The following WDR70 variants were observed in gnomAD, a reference collection of about 807,000 sequenced individuals.
The protein encoded by WDR70 is WD repeat domain 70, also known as WD repeat-containing protein 70.
In WDR70, 53 loss-of-function variants were observed where a neutral mutation model predicts 88.6. That is an observed-to-expected ratio of 0.60 (90% CI 0.48 to 0.75). The LOEUF (loss-of-function observed/expected upper bound fraction) is 0.75. Among genes scored for constraint, WDR70 ranks in the 30% least tolerant of loss-of-function variants. WDR70 has a pLI of 0.00. For missense variants in WDR70, 610 were observed against 823.2 expected, an observed-to-expected ratio of 0.74 and a Z score of 3.17; for synonymous variants, 280 against 270.0, an observed-to-expected ratio of 1.04 and a Z score of -0.36.
chr5:37,400,504 A>T (rs1324321595), intron 5 of WDR70, among the ~76,000 whole-genome samples: 1 of 152,170 alleles, frequency 6.6e-6, no homozygotes, highest in Non-Finnish European at 1.5e-5. Flanking sequence ...GTCTTTATAA[A>T]AAGAGTCACC....
intron 7 of WDR70, among the ~76,000 whole-genome samples, chr5:37,476,636 C>T (rs757405559): frequency 1.9e-4 from 29 of 151,856 alleles, no homozygotes; most frequent in Non-Finnish European, 2.6e-4. Context: ...CTGCAACTTC[C>T]GCCTCCTGAG....
intron 4 of WDR70, 52 bp from the exon 5 acceptor site, chr5:37,396,323 G>T: frequency 6.7e-7 from 1 of 1,496,856 alleles, no homozygotes; most frequent in Non-Finnish European, 8.9e-7. Flanking sequence ...TATTTCCAAA[G>T]TGTGCTCTTC....
At chr5:37,663,453 A>G (rs1361503207) in intron 10 of WDR70, among the ~76,000 whole-genome samples, 1 of 152,122 alleles carries the variant, frequency 6.6e-6, no homozygotes, top group Non-Finnish European at 1.5e-5. Flanking sequence ...CCTGAAAAAA[A>G]GCCCACAGTT....
intron 7 of WDR70, among the ~76,000 whole-genome samples, chr5:37,476,365 G>A (rs1160560492): frequency 1.3e-5 from 2 of 151,972 alleles, no homozygotes; most frequent in Non-Finnish European, 2.9e-5. Flanking sequence ...CTGTTTTCAC[G>A]TATAGTTGTC....
chr5:37,608,928 T>C (rs1744110824), intron 10 of WDR70, among the ~76,000 whole-genome samples: 1 of 152,200 alleles, frequency 6.6e-6, no homozygotes, highest in African/African-American at 2.4e-5. Flanking sequence ...TCTGTTCTAC[T>C]CCCTGCTGTA....
rs559612078 is a variant in WDR70, at chr5:37,645,194, TC to T, written c.1092+39957del. ...ATATTTCTGGTACCATTTTTTTTTT[TC>T]AAGAAATTTTTCAGTTTCCTTCTTA... is the stretch of plus-strand genomic sequence containing the variant. On this transcript the variant is annotated intron_variant, in intron 10 of 17. Transcript: ENST00000265107. 2.4e-4 allele frequency among the ~76,000 whole-genome samples: 37 copies of T among 152,036 alleles called. 1 individual carries two copies. The South Asian group carries it at 7.1e-3, about 29-fold the overall frequency.
At chr5:37,718,442 A>G (rs1335288718) in intron 13 of WDR70, among the ~76,000 whole-genome samples, 2 of 152,192 alleles carry the variant, frequency 1.3e-5, no homozygotes, top group African/African-American at 2.4e-5. Flanking sequence ...GTAATCTTAG[A>G]CTGCTGAGCC....
intron 10 of WDR70, among the ~76,000 whole-genome samples, chr5:37,641,075 A>T (rs1745089320): frequency 6.6e-6 from 1 of 152,058 alleles, no homozygotes; most frequent in African/African-American, 2.4e-5. Context: ...CAAACCAATG[A>T]CCTTTAGCCT....
chr5:37,637,713 C>T (rs879699817), intron 10 of WDR70, among the ~76,000 whole-genome samples: 17 of 152,130 alleles, frequency 1.1e-4, no homozygotes, highest in Admixed American at 5.2e-4. Flanking sequence ...CTCCCGATGC[C>T]ATTAAATGGA....
chr5:37,696,858 A>C (rs1746998471), intron 10 of WDR70, among the ~76,000 whole-genome samples: 1 of 152,234 alleles, frequency 6.6e-6, no homozygotes, highest in Admixed American at 6.5e-5. Flanking sequence ...TAGAATTACA[A>C]GTCTTTAACT....
intron 9 of WDR70, among the ~76,000 whole-genome samples, chr5:37,597,894 TAAGA>T (rs1452067770): frequency 6.6e-6 from 1 of 152,258 alleles, no homozygotes; most frequent in African/African-American, 2.4e-5. Context: ...GGATTGTATT[TAAGA>T]AATCTTTGCC....
intron 17 of WDR70, among the ~76,000 whole-genome samples, chr5:37,747,289 C>T (rs1464560438): frequency 6.6e-6 from 1 of 152,074 alleles, no homozygotes; most frequent in Non-Finnish European, 1.5e-5. Flanking sequence ...CATCACTGAT[C>T]ATCAGAGAAA....
chr5:37,677,594 G>A (rs1334357657), intron 10 of WDR70, among the ~76,000 whole-genome samples: 1 of 152,184 alleles, frequency 6.6e-6, no homozygotes, highest in African/African-American at 2.4e-5. Flanking sequence ...ACTGTGGTCT[G>A]AGAGACAGTT....
At chr5:37,616,853 T>C (rs979207398) in intron 10 of WDR70, among the ~76,000 whole-genome samples, 1 of 152,220 alleles carries the variant, frequency 6.6e-6, no homozygotes, top group African/African-American at 2.4e-5. Context: ...TAAATGGGTT[T>C]GGTTTTCAAT....
At chr5:37,538,604 C>A (rs561893921) in intron 9 of WDR70, among the ~76,000 whole-genome samples, 2 of 152,232 alleles carry the variant, frequency 1.3e-5, no homozygotes, top group South Asian at 4.1e-4. Context: ...GACATCTTTT[C>A]TGAGTGTGAG....
At chr5:37,620,644 G>A (rs78850565) in intron 10 of WDR70, among the ~76,000 whole-genome samples, 7,480 of 151,950 alleles carry the variant, frequency 0.049, 585 homozygotes, top group African/African-American at 0.16. Flanking sequence ...GATTTGTTCC[G>A]TGTTTAAAGT....
chr5:37,717,667 G>A (rs938568002), intron 13 of WDR70, among the ~76,000 whole-genome samples: 18 of 152,140 alleles, frequency 1.2e-4, no homozygotes, highest in East Asian at 9.6e-4. Flanking sequence ...AAGCAAAGCC[G>A]GTATGTATGT....
intron 4 of WDR70, among the ~76,000 whole-genome samples, chr5:37,392,332 C>A (rs1439679538): frequency 6.6e-6 from 1 of 151,422 alleles, no homozygotes; most frequent in Non-Finnish European, 1.5e-5. Flanking sequence ...TACAGGCATG[C>A]GCTACCACCC....
At chr5:37,565,979 T>A (rs983074990) in intron 9 of WDR70, among the ~76,000 whole-genome samples, 2 of 152,140 alleles carry the variant, frequency 1.3e-5, no homozygotes, top group African/African-American at 2.4e-5. Context: ...ACAATTCACA[T>A]ACCATAAAAT....
Sources: gnomAD v4.1 joint callset for allele counts (sites outside exome capture counted in the v4.1 genomes callset) on GRCh38, gnomAD v4.1.1 for gene constraint, MANE v1.5 for transcripts, NCBI Gene and HGNC (gene_info 2026-07-23, HGNC 2026-07-21) for gene names.